AMER1: variants seen among roughly 807,000 people sequenced by gnomAD.
The protein encoded by AMER1 is RP11-403E24.2.
Under a neutral mutation model 53.0 loss-of-function variants are expected in AMER1, and 16 were observed. The observed-to-expected ratio is 0.30, with a 90% CI of 0.20 to 0.46. The LOEUF is 0.46. AMER1 is among the 20% of genes least tolerant of loss of function. AMER1 has a pLI of 1.00. For synonymous variants in AMER1, 354 were observed against 331.9 expected, an observed-to-expected ratio of 1.07 and a Z score of -0.73; for missense variants, 947 against 884.9, an observed-to-expected ratio of 1.07 and a Z score of -0.89.
rs1428526174 is a variant in AMER1, at chrX:64,192,973, C to A, written c.314G>T (p.Gly105Val). The change falls in exon 2 of 2, where the codon GGC becomes GTC. Residue 105 changes from glycine to valine, a missense_variant. By Grantham distance (109) the Gly-to-Val change is moderately radical (BLOSUM62 -3). Transcript: ENST00000374869. ...TCCTTCACTGACAACATCTTCAGGG[C>A]CATGGGCTGCTTCACTCAGGCCATC... is the stretch of plus-strand genomic sequence containing the variant. Reference protein sequence around the residue: ...THDGLSEAAHGPEDVVSEGTG... With the variant: ...THDGLSEAAHVPEDVVSEGTG... 2.5e-6 allele frequency: 3 copies of A among 1,211,776 alleles called. No individual in the cohort carries two copies. Among genetic ancestry groups the A allele is most frequent in the Admixed American group, 4.3e-5 (2 of 46,051 alleles).
chrX:64,197,758 G>A (rs1480442750), intron 1 of AMER1, among the ~76,000 whole-genome samples: 1 of 112,188 alleles, frequency 8.9e-6, no homozygotes, highest in Non-Finnish European at 1.9e-5. Flanking sequence ...TTTCAGCGCT[G>A]GAATCAACTC....
At chrX:64,198,298 T>A (rs1930418251) in intron 1 of AMER1, among the ~76,000 whole-genome samples, 1 of 111,569 alleles carries the variant, frequency 9.0e-6, no homozygotes, top group African/African-American at 3.3e-5. Context: ...TCAACAGATA[T>A]CCTTCACCCT....
At chrX:64,199,790 A>G (rs1275708769) in intron 1 of AMER1, among the ~76,000 whole-genome samples, 1 of 110,946 alleles carries the variant, frequency 9.0e-6, no homozygotes, top group Non-Finnish European at 1.9e-5. Context: ...TCAGCACTTC[A>G]CTCCTCCACT....
In AMER1 at chrX:64,193,256, C is replaced by T. The variant is rs2147091499; in HGVS notation, c.31G>A (p.Ala11Thr). ...CTCCCAGAGGCTGCAGCTCCCTTGG[C>T]CTGAGCAGCTTCATCCTTTTGGGTC... is the stretch of plus-strand genomic sequence containing the variant. METQKDEAAQ[A>T]KGAAASGSTR... Residue 11 changes from alanine to threonine, a missense_variant, in exon 2 of 2, where the codon GCC (alanine) becomes ACC (threonine). Transcript: ENST00000374869. 5 of 1,211,680 alleles carry T rather than the reference C, an allele frequency of 4.1e-6. No individual in the cohort carries two copies. In the East Asian group the frequency reaches 8.9e-5, roughly 21 times the overall value.
Position 64,188,802 on chromosome X carries a change from CA to C in AMER1, c.*1076del. 1.2e-6 allele frequency: 1 copy of C among 805,385 alleles called. No individual in the cohort carries two copies. Among genetic ancestry groups the C allele is most frequent in the Non-Finnish European group, 1.5e-6 (1 of 670,744 alleles). The allele number at this position is 805,385 out of a possible 1,213,427, so 66.4% of individuals were successfully genotyped here. A position where few individuals can be genotyped will look rare whatever the true frequency, so the allele number is the denominator to read the frequency against. Reference sequence around the variant, plus strand: ...TTTTCTATCTTTCCCCTACACTCCACAAAAACCCCAGCCCCTATAGTCAAGC... The same window carrying C: ...TTTTCTATCTTTCCCCTACACTCCACAAAACCCCAGCCCCTATAGTCAAGC... On this transcript the variant is annotated 3_prime_UTR_variant, in exon 2 of 2. Transcript: ENST00000374869.
chrX:64,203,930 A>G (rs895964535), intron 1 of AMER1, among the ~76,000 whole-genome samples: 2 of 111,682 alleles, frequency 1.8e-5, no homozygotes, highest in Non-Finnish European at 3.8e-5. Context: ...ATAAAGGTCC[A>G]GAGCTAGCCT....
At position 64,192,333 on chromosome X, in the gene AMER1, G is replaced by A; in HGVS notation, c.954C>T (p.Ser318=). ...PLSLLFGDVT[S]LKSFDSLTGC... ...CTGTCAATGAATCAAAGCTTTTCAG[G>A]GATGTCACATCCCCAAACAAGAGGC... The change falls in exon 2 of 2, where the codon TCC becomes TCT. Residue 318 remains serine (S), a synonymous_variant. Transcript: ENST00000374869. 1 of 1,212,163 alleles carries A rather than the reference G, an allele frequency of 8.2e-7. No individual in the cohort carries two copies. The highest frequency in any genetic ancestry group is 1.1e-6 in the Non-Finnish European group (1 of 895,619).
In AMER1 at chrX:64,192,988, C is replaced by T. The variant is rs2147090845; in HGVS notation, c.299G>A (p.Ser100Asn). The change falls in exon 2 of 2, where the codon AGT (serine) becomes AAT (asparagine). Residue 100 changes from serine (S) to asparagine (N), a missense_variant. Transcript: ENST00000374869. ...LSKSKTHDGL[S>N]EAAHGPEDVV... ...ATCTTCAGGGCCATGGGCTGCTTCA[C>T]TCAGGCCATCGTGGGTCTTGCTCTT... The T allele has an allele frequency of 6.6e-6, 8 of 1,211,891 alleles. No individual in the cohort carries two copies. The South Asian group carries it at 1.4e-4, about 21-fold the overall frequency.
rs1930086220 is a variant in AMER1, at chrX:64,185,479, A to C, written c.*4400T>G. On this transcript the variant is annotated 3_prime_UTR_variant, in exon 2 of 2. Coordinates refer to ENST00000374869, the MANE Select transcript of AMER1 (RefSeq NM_152424.4). ...ACCCCCATATACAGCAGGAAAAATA[A>C]GCACCAATAATAATAACAATAATTA... 1 of 157,202 alleles carries C rather than the reference A, an allele frequency of 6.4e-6. No homozygotes were observed. Among genetic ancestry groups the C allele is most frequent in the African/African-American group, 3.3e-5 (1 of 30,676 alleles). 13.0% of individuals were successfully genotyped at this position (157,202 alleles called of 1,213,427 possible).
Position 64,189,883 on chromosome X carries a change from T to C in AMER1, c.3404A>G (p.Lys1135Arg). ...CTACTCCAGAATTGATAATAACTAC[T>C]TGGCTAGGTTTCCATTCATGGCAGT... ...SSTAMNGNLA[K>R] Residue 1135 changes from lysine to arginine, a missense_variant, in exon 2 of 2, where the codon AAG (lysine) becomes AGG (arginine). By Grantham distance (26) the Lys-to-Arg change is conservative. Coordinates refer to ENST00000374869, the MANE Select transcript of AMER1 (RefSeq NM_152424.4). The C allele has an allele frequency of 9.8e-7, 1 of 1,019,746 alleles. No homozygotes were observed. The highest frequency in any genetic ancestry group is 1.3e-6 in the Non-Finnish European group (1 of 779,677). 84.0% of individuals were successfully genotyped at this position (1,019,746 alleles called of 1,213,427 possible). A position where few individuals can be genotyped will look rare whatever the true frequency, so the allele number is the denominator to read the frequency against.
intron 1 of AMER1, among the ~76,000 whole-genome samples, chrX:64,195,120 C>G: frequency 9.0e-6 from 1 of 111,608 alleles, no homozygotes. Context: ...CTCAGCCCTG[C>G]AACTGATAGT....
rs745699635 is a variant in AMER1, at chrX:64,189,851, C to G, written c.*28G>C. 1 of 1,193,682 alleles carries G rather than the reference C, an allele frequency of 8.4e-7. No individual in the cohort carries two copies. The highest frequency in any genetic ancestry group is 1.1e-6 in the Non-Finnish European group (1 of 889,313). On this transcript the variant is annotated 3_prime_UTR_variant, in exon 2 of 2. Coordinates refer to ENST00000374869, the MANE Select transcript of AMER1 (RefSeq NM_152424.4). ...GATCCCCATTCACATGCTCAGGCCC[C>G]GTGTCCCTACTCCAGAATTGATAAT...
chrX:64,194,454 G>A (rs1930324207), intron 1 of AMER1, among the ~76,000 whole-genome samples: 1 of 111,560 alleles, frequency 9.0e-6, no homozygotes, highest in Admixed American at 9.5e-5. Flanking sequence ...TACCAACAGA[G>A]ATGGAATAAA....
chrX:64,194,777 G>T (rs960300667), intron 1 of AMER1, among the ~76,000 whole-genome samples: 1 of 111,687 alleles, frequency 9.0e-6, no homozygotes, highest in Non-Finnish European at 1.9e-5. Context: ...ACCTAAAGTG[G>T]AAGACTGTGG....
At position 64,189,818 on chromosome X, in the gene AMER1, C is replaced by T. The variant is rs2147083661; in HGVS notation, c.*61G>A. 9.3e-7 allele frequency: 1 copy of T among 1,076,969 alleles called. No homozygotes were observed. Among genetic ancestry groups the T allele is most frequent in the East Asian group, 3.6e-5 (1 of 27,810 alleles). 88.8% of individuals were successfully genotyped at this position (1,076,969 alleles called of 1,213,427 possible). A position where few individuals can be genotyped will look rare whatever the true frequency, so the allele number is the denominator to read the frequency against. On this transcript the variant is annotated 3_prime_UTR_variant, in exon 2 of 2. Coordinates refer to ENST00000374869, the MANE Select transcript of AMER1 (RefSeq NM_152424.4). ...ACCCCCACCCCCCCACCCTTCTGCC[C>T]AACCCCTGATCCCCATTCACATGCT... is the stretch of plus-strand genomic sequence containing the variant.
intron 1 of AMER1, among the ~76,000 whole-genome samples, chrX:64,200,349 T>C (rs758528035): frequency 2.1e-4 from 24 of 111,671 alleles, no homozygotes; most frequent in Non-Finnish European, 4.1e-4. Flanking sequence ...AAGTGAACAA[T>C]GGATACCTCT....
chrX:64,193,664 C>G (rs1376796554), intron 1 of AMER1, among the ~76,000 whole-genome samples: 1 of 112,033 alleles, frequency 8.9e-6, no homozygotes, highest in Non-Finnish European at 1.9e-5. Flanking sequence ...CAGGGGACCA[C>G]TGGGCAGGGG....
chrX:64,200,761 A>T (rs1930471257), intron 1 of AMER1, among the ~76,000 whole-genome samples: 1 of 111,737 alleles, frequency 8.9e-6, no homozygotes, highest in South Asian at 3.8e-4. Flanking sequence ...ACTTCAGGAC[A>T]AAGGTGCACT....
rs2147087183 is a variant in AMER1, at chrX:64,191,378, C to G, written c.1909G>C (p.Glu637Gln). 1 of 1,211,943 alleles carries G rather than the reference C, an allele frequency of 8.3e-7. No homozygotes were observed. Among genetic ancestry groups the G allele is most frequent in the Non-Finnish European group, 1.1e-6 (1 of 895,497 alleles). Reference protein sequence around the residue: ...EAQAREVRCRETQVRETQARQ... With the variant: ...EAQAREVRCRQTQVRETQARQ... ...GCCTGGGTCTCTCGGACTTGAGTCT[C>G]TCTACAACGAACCTCTCGGGCCTGG... Residue 637 changes from glutamate to glutamine, a missense_variant, in exon 2 of 2, where the codon GAG (glutamate) becomes CAG (glutamine). Coordinates refer to ENST00000374869, the MANE Select transcript of AMER1 (RefSeq NM_152424.4).
Sources: gnomAD v4.1 joint callset for allele counts (sites outside exome capture counted in the v4.1 genomes callset) on GRCh38, gnomAD v4.1.1 for gene constraint, MANE v1.5 for transcripts, NCBI Gene and HGNC (gene_info 2026-07-23, HGNC 2026-07-21) for gene names.